The following ZC3H12C variants were observed in gnomAD, a reference collection of about 807,000 sequenced individuals.
ZC3H12C encodes zinc finger CCCH-type containing 12C, also known as probable ribonuclease ZC3H12C.
A neutral mutation model predicts 76.3 loss-of-function variants in ZC3H12C; 20 were observed. That is an observed-to-expected ratio of 0.26 (90% confidence interval 0.18 to 0.38). The LOEUF (loss-of-function observed/expected upper bound fraction) is 0.38. Among genes scored for constraint, ZC3H12C ranks in the 10% least tolerant of loss-of-function variants. The probability of loss-of-function intolerance (pLI) is 1.00; values close to 1 mark genes in which losing one functional copy is unlikely to be tolerated. For synonymous variants in ZC3H12C, 352 were observed against 399.6 expected (o/e 0.88, Z 1.42); for missense variants, 874 against 1,086.5 (o/e 0.80, Z 2.75).
chr11:110,100,900 T>G (rs929938075), intron 1 of ZC3H12C, among the ~76,000 whole-genome samples: 2 of 152,160 alleles, frequency 1.3e-5, no homozygotes, highest in Non-Finnish European at 2.9e-5. Flanking sequence ...ATGATTTAGC[T>G]TGGGGAGAAA....
At chr11:110,105,270 T>G (rs972459837) in intron 1 of ZC3H12C, among the ~76,000 whole-genome samples, 7 of 152,220 alleles carry the variant, frequency 4.6e-5, no homozygotes, top group African/African-American at 1.7e-4. Context: ...ATTGAGTTGA[T>G]GATCTTATGT....
At chr11:110,115,302 T>C (rs1238179585) in intron 1 of ZC3H12C, among the ~76,000 whole-genome samples, 1 of 151,790 alleles carries the variant, frequency 6.6e-6, no homozygotes. Context: ...TTTTTTCATT[T>C]ATTTATTTAT....
intron 1 of ZC3H12C, among the ~76,000 whole-genome samples, chr11:110,094,446 T>C (rs1861077231): frequency 6.6e-6 from 1 of 152,234 alleles, no homozygotes. Flanking sequence ...TGCTTGAGTT[T>C]TTCCACTTTT....
At chr11:110,159,173 T>TA in intron 3 of ZC3H12C, 83 bp from the exon 4 acceptor site, 1 of 1,048,256 alleles carries the variant, frequency 9.5e-7, no homozygotes, top group Non-Finnish European at 1.4e-6. Context: ...GCTTATGTTT[T>TA]AGAGTTTCAC....
At chr11:110,112,580 G>A (rs896389326) in intron 1 of ZC3H12C, among the ~76,000 whole-genome samples, 4 of 152,212 alleles carry the variant, frequency 2.6e-5, no homozygotes, top group Admixed American at 6.5e-5. Flanking sequence ...AGCACTAAGC[G>A]CTGAGAAGGG....
chr11:110,098,568 T>TA (rs539234123), intron 1 of ZC3H12C, among the ~76,000 whole-genome samples: 30 of 152,234 alleles, frequency 2.0e-4, no homozygotes, highest in Non-Finnish European at 3.2e-4. Flanking sequence ...CTTCTAGTCT[T>TA]ACAAGCTTCA....
Position 110,136,684 on chromosome 11 carries a change from C to G in ZC3H12C, c.43C>G (p.Gln15Glu). 6.2e-7 allele frequency: 1 copy of G among 1,613,472 alleles called. No homozygotes were observed. The highest frequency in any genetic ancestry group is 8.5e-7 in the Non-Finnish European group (1 of 1,179,722). ...GSQEYGVLCIQEYRKNSKVES... is the reference protein window; with the variant it reads ...GSQEYGVLCIEEYRKNSKVES... ...CTAGGAATACGGGGTGCTTTGCATT[C>G]AGGAATACAGAAAAAACAGCAAAGT... Residue 15 changes from glutamine to glutamate, a missense_variant, in exon 2 of 6, where the codon CAG becomes GAG. Transcript: ENST00000278590.
rs1041792262 is a variant in ZC3H12C at position 110,093,613 on chromosome 11, G to A, written c.21+181G>A. ...GTCGGGCTCCGGAGGTCGAGTCACCGAGCTCCGGTCGCTCAGGTGGGGCCG... is the reference window on the plus strand; with the variant it reads ...GTCGGGCTCCGGAGGTCGAGTCACCAAGCTCCGGTCGCTCAGGTGGGGCCG... On this transcript the variant is annotated intron_variant, in intron 1 of 5. Transcript: ENST00000278590. Among the ~76,000 whole-genome samples, 13 of 151,780 alleles carry A rather than the reference G, an allele frequency of 8.6e-5. No individual in the cohort carries two copies. The East Asian group carries it at 2.3e-3, about 27-fold the overall frequency.
intron 1 of ZC3H12C, among the ~76,000 whole-genome samples, chr11:110,132,059 A>G (rs1245454420): frequency 6.6e-6 from 1 of 152,218 alleles, no homozygotes; most frequent in Non-Finnish European, 1.5e-5. Context: ...GTAGGTATTT[A>G]TTACATATTC....
At chr11:110,159,905 G>A (rs1862447383) in intron 4 of ZC3H12C, among the ~76,000 whole-genome samples, 1 of 152,224 alleles carries the variant, frequency 6.6e-6, no homozygotes, top group South Asian at 2.1e-4. Context: ...TCATCTTCAG[G>A]CGATTTCATT....
At chr11:110,132,415 G>T (rs1052397696) in intron 1 of ZC3H12C, among the ~76,000 whole-genome samples, 1 of 152,056 alleles carries the variant, frequency 6.6e-6, no homozygotes, top group Non-Finnish European at 1.5e-5. Flanking sequence ...AAAAGAATTA[G>T]CTACACTTCA....
Position 110,093,436 on chromosome 11 carries a change from T to G in ZC3H12C, c.21+4T>G. On this transcript the variant is annotated splice_donor_region_variant and intron_variant, in intron 1 of 5. Coordinates refer to ENST00000278590, the MANE Select transcript of ZC3H12C (RefSeq NM_033390.2). ...TATGCCGGGTGGCGGCTCCCAGGTT[T>G]GTCCTCGGGAAGGGGGTGGGGGACG... is the stretch of plus-strand genomic sequence containing the variant. The G allele has an allele frequency of 8.3e-7, 1 of 1,201,078 alleles. No individual in the cohort carries two copies. The highest frequency in any genetic ancestry group is 1.0e-6 in the Non-Finnish European group (1 of 965,364). The allele number at this position is 1,201,078 out of a possible 1,614,324, so 74.4% of individuals were successfully genotyped here. A position where few individuals can be genotyped will look rare whatever the true frequency, so the allele number is the denominator to read the frequency against.
chr11:110,125,025 T>A (rs1316787814), intron 1 of ZC3H12C, among the ~76,000 whole-genome samples: 1 of 152,136 alleles, frequency 6.6e-6, no homozygotes, highest in Middle Eastern at 3.2e-3. Context: ...CTTCAGTATG[T>A]ATTAAATGAA....
intron 1 of ZC3H12C, among the ~76,000 whole-genome samples, chr11:110,101,202 G>A (rs1033947951): frequency 6.6e-6 from 1 of 152,154 alleles, no homozygotes; most frequent in Non-Finnish European, 1.5e-5. Flanking sequence ...GGCTAAGAGA[G>A]GTGAGGAAGC....
intron 1 of ZC3H12C, among the ~76,000 whole-genome samples, chr11:110,119,759 T>C (rs1861620733): frequency 6.6e-6 from 1 of 152,298 alleles, no homozygotes; most frequent in African/African-American, 2.4e-5. Flanking sequence ...ATCAGTGGGG[T>C]CTTGTCACTG....
In ZC3H12C at chr11:110,163,261, T is replaced by C; in HGVS notation, c.1149-12T>C. 1 of 1,595,116 alleles carries C rather than the reference T, an allele frequency of 6.3e-7. No individual in the cohort carries two copies. The highest frequency in any genetic ancestry group is 8.5e-7 in the Non-Finnish European group (1 of 1,171,396). ...CTACTTAGGTATCATTTTTTTATTA[T>C]CTCCATGACAGGTTCATGCCCCCTG... On this transcript the variant is annotated splice_polypyrimidine_tract_variant and intron_variant, in intron 4 of 5. Transcript: ENST00000278590.
At chr11:110,155,298 C>CAA (rs5794672) in intron 3 of ZC3H12C, among the ~76,000 whole-genome samples, 19 of 141,110 alleles carry the variant, frequency 1.3e-4, no homozygotes, top group Non-Finnish European at 1.8e-4. Flanking sequence ...GACTCCATCT[C>CAA]AAAAAAAAAA....
intron 1 of ZC3H12C, among the ~76,000 whole-genome samples, chr11:110,121,901 C>T (rs1052255685): frequency 2.6e-5 from 4 of 152,100 alleles, no homozygotes; most frequent in African/African-American, 7.2e-5. Flanking sequence ...CCTGTACAAG[C>T]ATGGTAATAT....
chr11:110,157,651 G>C (rs12293996), intron 3 of ZC3H12C, among the ~76,000 whole-genome samples: 3 of 152,020 alleles, frequency 2.0e-5, no homozygotes, highest in Admixed American at 6.5e-5. Context: ...GGCCAGGGTA[G>C]ACTTGAACTC....
Sources: allele counts gnomAD v4.1 joint callset (sites outside exome capture counted in the v4.1 genomes callset), GRCh38; gene constraint gnomAD v4.1.1; transcripts MANE v1.5; gene names NCBI Gene and HGNC (gene_info 2026-07-23, HGNC 2026-07-21).